The following SOX5 variants were observed in gnomAD, a reference collection of about 807,000 sequenced individuals.
The protein encoded by SOX5 is transcription factor SOX-5.
SOX5 carries 9 observed loss-of-function variants against 92.0 expected under a neutral mutation model. The observed-to-expected ratio is 0.10, with a 90% CI of 0.06 to 0.17. The LOEUF is 0.17. Ranked by LOEUF, SOX5 falls within the 10% of genes least tolerant of loss-of-function variation. The pLI, the probability that SOX5 is intolerant of heterozygous loss-of-function variation, is 1.00. For missense variants in SOX5, 642 were observed against 944.5 expected, an observed-to-expected ratio of 0.68 and a Z score of 4.20; for synonymous variants, 344 against 336.3, an observed-to-expected ratio of 1.02 and a Z score of -0.25.
At chr12:23,545,651 C>T (rs75768470) in intron 12 of SOX5, among the ~76,000 whole-genome samples, 21,900 of 151,908 alleles carry the variant, frequency 0.14, 1,823 homozygotes, top group African/African-American at 0.23. Context: ...GTCCTCTGAG[C>T]CATGTATTCT....
chr12:24,429,568 T>G (rs1937848502), intron 1 of SOX5, among the ~76,000 whole-genome samples: 2 of 151,730 alleles, frequency 1.3e-5, no homozygotes, highest in Admixed American at 1.3e-4. Context: ...AATGATTTAT[T>G]TACTTGGTGT....
At chr12:24,287,669 C>CA (rs1222652217) in intron 2 of SOX5, among the ~76,000 whole-genome samples, 3 of 100,348 alleles carry the variant, frequency 3.0e-5, no homozygotes, top group Admixed American at 1.3e-4. Context: ...CTAAAATTTT[C>CA]AAAAAAATTC....
At chr12:24,136,527 A>G (rs191127228) in intron 4 of SOX5, among the ~76,000 whole-genome samples, 1 of 152,246 alleles carries the variant, frequency 6.6e-6, no homozygotes, top group Non-Finnish European at 1.5e-5. Context: ...ATAGGGGATT[A>G]TAACAGCACC....
rs148266789 is a variant in SOX5, at chr12:23,533,303, GTCTCTCTC to G, written c.*908_*915del. The G allele has an allele frequency of 2.7e-5, 10 of 364,894 alleles. No homozygotes were observed. Among genetic ancestry groups the G allele is most frequent in the South Asian group, 8.0e-5 (4 of 49,900 alleles). The allele number at this position is 364,894 out of a possible 1,614,324, so 22.6% of individuals were successfully genotyped here. On this transcript the variant is annotated 3_prime_UTR_variant, in exon 15 of 15. Coordinates refer to ENST00000451604, the MANE Select transcript of SOX5 (RefSeq NM_006940.6). ...AAATATTTTTCTCTAAATTTCTTAT[GTCTCTCTC>G]TCTCTCTCTCTTTTCACCTGAGAAC...
chr12:24,210,515 AATTC>A (rs1471214703), intron 4 of SOX5, among the ~76,000 whole-genome samples: 2 of 152,256 alleles, frequency 1.3e-5, no homozygotes, highest in African/African-American at 2.4e-5. Context: ...TAGGAGATAA[AATTC>A]AGGACTTCTT....
chr12:24,105,670 A>T (rs1218009056), intron 4 of SOX5, among the ~76,000 whole-genome samples: 1 of 152,252 alleles, frequency 6.6e-6, no homozygotes, highest in Non-Finnish European at 1.5e-5. Flanking sequence ...TACATAACAT[A>T]TGTAGTTGAT....
At chr12:23,625,206 C>T (rs530548002) in intron 8 of SOX5, among the ~76,000 whole-genome samples, 1 of 152,282 alleles carries the variant, frequency 6.6e-6, no homozygotes, top group South Asian at 2.1e-4. Flanking sequence ...TTTCTGAGTA[C>T]AAAAATAATG....
rs193227953 is a variant in SOX5, at chr12:23,661,801, C to T, written c.931+3643G>A. On this transcript the variant is annotated intron_variant, in intron 7 of 14. Transcript: ENST00000451604. ...TACTTGAACCAATTCATTTGTATAC[C>T]CAGTTATTTTATTAATTTAGACTTG... 5.9e-5 allele frequency among the ~76,000 whole-genome samples: 9 copies of T among 152,074 alleles called. No individual in the cohort carries two copies. The East Asian group carries it at 1.5e-3, about 26-fold the overall frequency.
At chr12:24,040,841 C>G (rs1956451140) in intron 4 of SOX5, among the ~76,000 whole-genome samples, 1 of 151,860 alleles carries the variant, frequency 6.6e-6, no homozygotes, top group Non-Finnish European at 1.5e-5. Context: ...CCACTGCACT[C>G]CAGCCTGGGC....
intron 4 of SOX5, among the ~76,000 whole-genome samples, chr12:24,075,415 G>T (rs1365276867): frequency 6.6e-6 from 1 of 151,732 alleles, no homozygotes; most frequent in Non-Finnish European, 1.5e-5. Context: ...GAAATGAGAG[G>T]CTAAGTATAA....
At chr12:23,949,756 C>G (rs1945261047), upstream of SOX5, 1 of 891,670 alleles carries the variant, frequency 1.1e-6, no homozygotes, top group African/African-American at 2.5e-5. Flanking sequence ...CTCTCTCCCT[C>G]TCTCTCTCTG....
intron 4 of SOX5, among the ~76,000 whole-genome samples, chr12:24,175,648 T>C (rs1954725979): frequency 6.6e-6 from 1 of 152,250 alleles, no homozygotes; most frequent in South Asian, 2.1e-4. Context: ...TGTAGATCTA[T>C]ATACCTCTAT....
At position 23,588,725 on chromosome 12, in the gene SOX5, A is replaced by G. The variant is rs1315424041; in HGVS notation, c.1165-12887T>C. 1.9e-3 allele frequency among the ~76,000 whole-genome samples: 9 copies of G among 4,676 alleles called. No individual in the cohort carries two copies. The East Asian group carries it at 0.28, about 144-fold the overall frequency. The allele number at this position is 4,676 out of a possible 152,430, so 3.1% of individuals were successfully genotyped here. ...ATTATTGTAGTATGGGATAGTGCACACACACACACACACACACACACACAC... is the reference window on the plus strand; with the variant it reads ...ATTATTGTAGTATGGGATAGTGCACGCACACACACACACACACACACACAC... On this transcript the variant is annotated intron_variant, in intron 9 of 14. Transcript: ENST00000451604.
At chr12:24,538,992 G>A (rs527487118) in intron 1 of SOX5, among the ~76,000 whole-genome samples, 74 of 152,102 alleles carry the variant, frequency 4.9e-4, no homozygotes, top group South Asian at 2.5e-3. Flanking sequence ...CAAATATGAC[G>A]TTTGTTGTCA....
chr12:24,442,081 C>T (rs1217236277), intron 1 of SOX5, among the ~76,000 whole-genome samples: 1 of 152,082 alleles, frequency 6.6e-6, no homozygotes, highest in African/African-American at 2.4e-5. Flanking sequence ...AAATGAGAAA[C>T]AGTTAAGAGA....
intron 1 of SOX5, among the ~76,000 whole-genome samples, chr12:24,403,668 T>TTA (rs553941698): frequency 3.2e-4 from 48 of 152,338 alleles, no homozygotes; most frequent in African/African-American, 1.1e-3. Flanking sequence ...CCAAGCTTAT[T>TTA]TACATGGCCA....
chr12:24,199,157 G>A (rs891113132), intron 4 of SOX5, among the ~76,000 whole-genome samples: 25 of 152,278 alleles, frequency 1.6e-4, no homozygotes, highest in Admixed American at 1.2e-3. Flanking sequence ...CGGCCTCTGT[G>A]TCTGAGATCA....
chr12:23,627,156 T>C (rs1459402481), intron 8 of SOX5, among the ~76,000 whole-genome samples: 1 of 152,184 alleles, frequency 6.6e-6, no homozygotes, highest in Non-Finnish European at 1.5e-5. Context: ...GGAATGTTTG[T>C]TCCTTTCACA....
intron 3 of SOX5, among the ~76,000 whole-genome samples, chr12:23,838,035 AT>A (rs1178187481): frequency 8.4e-6 from 1 of 118,888 alleles, no homozygotes; most frequent in African/African-American, 3.3e-5. Context: ...ACATTTATAT[AT>A]TTTTATATAA....
Sources: allele counts gnomAD v4.1 joint callset (sites outside exome capture counted in the v4.1 genomes callset), GRCh38; gene constraint gnomAD v4.1.1; transcripts MANE v1.5; gene names NCBI Gene and HGNC (gene_info 2026-07-23, HGNC 2026-07-21).